The following CNTN4 variants were observed in gnomAD, a reference collection of about 807,000 sequenced individuals.
The protein encoded by CNTN4 is contactin-4.
In CNTN4, 77 loss-of-function variants were observed where a neutral mutation model predicts 122.5. The ratio of observed to expected loss-of-function variants is 0.63; its 90% confidence interval spans 0.52 to 0.76. The LOEUF (loss-of-function observed/expected upper bound fraction) is 0.76. Among genes scored for constraint, CNTN4 ranks in the 30% least tolerant of loss-of-function variants. The pLI is 0.00. For synonymous variants in CNTN4, 512 were observed against 447.0 expected (o/e 1.15, Z -1.83); for missense variants, 1,256 against 1,259.1 (o/e 1.00, Z 0.04).
intron 14 of CNTN4, among the ~76,000 whole-genome samples, chr3:2,990,292 G>T (rs900614599): frequency 6.6e-6 from 1 of 152,134 alleles, no homozygotes; most frequent in Non-Finnish European, 1.5e-5. Context: ...TTTTCAAATG[G>T]ATATGCGTGT....
At chr3:2,752,240 T>C (rs905288114) in intron 6 of CNTN4, among the ~76,000 whole-genome samples, 1 of 152,230 alleles carries the variant, frequency 6.6e-6, no homozygotes, top group African/African-American at 2.4e-5. Context: ...ATGCAATGTG[T>C]AAATGATCAA....
chr3:2,989,945 G>C (rs1382431496), intron 14 of CNTN4, among the ~76,000 whole-genome samples: 2 of 152,192 alleles, frequency 1.3e-5, no homozygotes, highest in Admixed American at 1.3e-4. Flanking sequence ...AGAATATTAG[G>C]TTGACATCTT....
intron 3 of CNTN4, among the ~76,000 whole-genome samples, chr3:2,481,071 C>G (rs11706458): frequency 8.7e-5 from 3 of 34,332 alleles, no homozygotes; most frequent in African/African-American, 1.5e-4. Flanking sequence ...CTCTCTTTCT[C>G]TCTTTCTCTC....
intron 3 of CNTN4, among the ~76,000 whole-genome samples, chr3:2,476,081 A>G (rs913977633): frequency 2.0e-5 from 3 of 152,214 alleles, no homozygotes; most frequent in Admixed American, 2.0e-4. Flanking sequence ...GTCACAAAAA[A>G]TTAATATCCC....
chr3:2,465,357 G>C (rs949847557), intron 3 of CNTN4, among the ~76,000 whole-genome samples: 2 of 152,072 alleles, frequency 1.3e-5, no homozygotes, highest in Non-Finnish European at 1.5e-5. Flanking sequence ...AAAAATGTGA[G>C]TGATGCCTTC....
intron 14 of CNTN4, among the ~76,000 whole-genome samples, chr3:3,004,119 A>G (rs1696357016): frequency 6.6e-6 from 1 of 151,912 alleles, no homozygotes; most frequent in African/African-American, 2.4e-5. Context: ...TTCAATTATA[A>G]AAGGAAAAAA....
intron 2 of CNTN4, among the ~76,000 whole-genome samples, chr3:2,301,073 T>G (rs988966648): frequency 1.3e-5 from 2 of 152,316 alleles, no homozygotes; most frequent in Admixed American, 6.5e-5. Context: ...TCCTTGATCC[T>G]TCTTTGAATC....
intron 14 of CNTN4, among the ~76,000 whole-genome samples, chr3:2,995,617 CTG>C (rs1359009091): frequency 6.6e-6 from 1 of 152,148 alleles, no homozygotes; most frequent in Non-Finnish European, 1.5e-5. Context: ...AAAAGACACT[CTG>C]TGGGTCAAGA....
intron 3 of CNTN4, among the ~76,000 whole-genome samples, chr3:2,437,103 CT>C (rs1242988405): frequency 1.3e-5 from 2 of 151,926 alleles, no homozygotes; most frequent in Non-Finnish European, 2.9e-5. Flanking sequence ...TCATCTTGAA[CT>C]TTTTTTCTGC....
intron 2 of CNTN4, among the ~76,000 whole-genome samples, chr3:2,270,142 G>T (rs1474396497): frequency 1.4e-5 from 1 of 70,098 alleles, no homozygotes; most frequent in Non-Finnish European, 3.3e-5. Flanking sequence ...GTAGAGACGG[G>T]GTTTCACCTT....
At position 3,030,981 on chromosome 3, in the gene CNTN4, G is replaced by A; in HGVS notation, c.1783+6G>A. ...TGCAGACCTGATTGTAAGAGGTACT[G>A]GATTTTGTTGTTATTGTTGTTCTTG... On this transcript the variant is annotated splice_donor_region_variant and intron_variant, in intron 16 of 24. Coordinates refer to ENST00000418658, the MANE Select transcript of CNTN4 (RefSeq NM_175607.3). 6.2e-7 allele frequency: 1 copy of A among 1,613,950 alleles called. No individual in the cohort carries two copies. The highest frequency in any genetic ancestry group is 8.5e-7 in the Non-Finnish European group (1 of 1,179,858).
intron 3 of CNTN4, among the ~76,000 whole-genome samples, chr3:2,407,834 A>G (rs982488123): frequency 1.3e-5 from 2 of 152,242 alleles, no homozygotes; most frequent in African/African-American, 4.8e-5. Context: ...AAAAATTACT[A>G]CATAAAATAA....
intron 2 of CNTN4, among the ~76,000 whole-genome samples, chr3:2,296,883 C>A (rs1279352357): frequency 6.6e-6 from 1 of 151,256 alleles, no homozygotes; most frequent in African/African-American, 2.4e-5. Flanking sequence ...GAAAGATCTT[C>A]AATGTAGTAT....
chr3:2,446,019 C>T (rs2048613620), intron 3 of CNTN4, among the ~76,000 whole-genome samples: 1 of 152,254 alleles, frequency 6.6e-6, no homozygotes, highest in Non-Finnish European at 1.5e-5. Context: ...AGGTATTCAG[C>T]TAGCTGTTCA....
chr3:2,676,963 T>A (rs938483932), intron 4 of CNTN4, among the ~76,000 whole-genome samples: 1 of 152,148 alleles, frequency 6.6e-6, no homozygotes, highest in Non-Finnish European at 1.5e-5. Context: ...AATCTGTAAA[T>A]GAAATCTTCA....
At chr3:2,806,201 TC>T (rs1382676977) in intron 6 of CNTN4, among the ~76,000 whole-genome samples, 2 of 152,138 alleles carry the variant, frequency 1.3e-5, no homozygotes, top group African/African-American at 2.4e-5. Context: ...GCGCCCAGCC[TC>T]TCATAGCACT....
At chr3:3,030,275 A>G (rs1299437355) in intron 15 of CNTN4, among the ~76,000 whole-genome samples, 1 of 152,172 alleles carries the variant, frequency 6.6e-6, no homozygotes, top group Non-Finnish European at 1.5e-5. Flanking sequence ...TTCTTCTGCT[A>G]ATCAAACATG....
rs116448950 is a variant in CNTN4, at chr3:2,867,998, T to C, written c.652+1049T>C. Among the ~76,000 whole-genome samples the C allele has an allele frequency of 7.9e-3, 1,202 of 152,288 alleles. 10 individuals carry two copies. Among genetic ancestry groups the C allele is most frequent in the African/African-American group, 0.028 (1,152 of 41,570 alleles). ...TTAAGCCCTTCAACAAGGGCTGATATCATGATTTAAGCAGTCGTTGTAGAC... is the reference window on the plus strand; with the variant it reads ...TTAAGCCCTTCAACAAGGGCTGATACCATGATTTAAGCAGTCGTTGTAGAC... On this transcript the variant is annotated intron_variant, in intron 8 of 24. Coordinates refer to ENST00000418658, the MANE Select transcript of CNTN4 (RefSeq NM_175607.3).
At chr3:2,842,357 A>G (rs200597067) in intron 7 of CNTN4, among the ~76,000 whole-genome samples, 3 of 152,144 alleles carry the variant, frequency 2.0e-5, no homozygotes, top group East Asian at 3.9e-4. Flanking sequence ...TCTAAGATCA[A>G]CCCCATCCTC....
Sources: allele counts gnomAD v4.1 joint callset (sites outside exome capture counted in the v4.1 genomes callset), GRCh38; gene constraint gnomAD v4.1.1; transcripts MANE v1.5; gene names NCBI Gene and HGNC (gene_info 2026-07-23, HGNC 2026-07-21).